Variants in AFF3 observed in about 807,000 individuals in gnomAD.
AFF3 encodes the protein ALF transcription elongation factor 3.
Under a neutral mutation model 129.7 loss-of-function variants are expected in AFF3, and 32 were observed. That is an observed-to-expected ratio of 0.25 (90% CI 0.19 to 0.33). The LOEUF (loss-of-function observed/expected upper bound fraction) is 0.33. AFF3 is among the 10% of genes least tolerant of loss of function. The probability of loss-of-function intolerance (pLI) is 1.00; values close to 1 mark genes in which losing one functional copy is unlikely to be tolerated. For missense variants in AFF3, 1,373 were observed against 1,592.0 expected (o/e 0.86, Z 2.34); for synonymous variants, 644 against 635.4 (o/e 1.01, Z -0.20).
At chr2:100,012,476 A>AC (rs1249127446) in intron 4 of AFF3, among the ~76,000 whole-genome samples, 2 of 152,106 alleles carry the variant, frequency 1.3e-5, no homozygotes, top group African/African-American at 4.8e-5. Flanking sequence ...TGGGCTTCCC[A>AC]CCCCCTGTAT....
chr2:99,760,773 T>C (rs1682508124), intron 8 of AFF3, among the ~76,000 whole-genome samples: 1 of 152,178 alleles, frequency 6.6e-6, no homozygotes, highest in African/African-American at 2.4e-5. Flanking sequence ...CTGGCGACCT[T>C]CGGATCTTAT....
intron 7 of AFF3, among the ~76,000 whole-genome samples, chr2:99,902,192 T>A (rs1694389810): frequency 6.6e-6 from 1 of 151,904 alleles, no homozygotes; most frequent in Non-Finnish European, 1.5e-5. Flanking sequence ...TAAAACAGTA[T>A]AAACTTTAAT....
Position 99,590,891 on chromosome 2 carries a change from G to C in AFF3, c.2466+2304C>G, listed in dbSNP as rs1278169973. ...GCCTGTAATCCAAGCTACTCGGGAG[G>C]CTGAGGCAGGAGAATCACTTGAACC... On this transcript the variant is annotated intron_variant, in intron 15 of 24. Coordinates refer to ENST00000672756, the MANE Select transcript of AFF3 (RefSeq NM_001386135.1). Among the ~76,000 whole-genome samples the C allele has an allele frequency of 2.0e-5, 3 of 151,858 alleles. 1 individual carries two copies. The highest frequency in any genetic ancestry group is 2.0e-4 in the Admixed American group (3 of 15,252).
At chr2:99,678,242 ATT>A (rs1455753987) in intron 11 of AFF3, among the ~76,000 whole-genome samples, 1 of 152,228 alleles carries the variant, frequency 6.6e-6, no homozygotes, top group Non-Finnish European at 1.5e-5. Flanking sequence ...AACCTTTGCA[ATT>A]TTAACATTTG....
chr2:99,802,131 A>T (rs935652972), intron 8 of AFF3, among the ~76,000 whole-genome samples: 1 of 152,244 alleles, frequency 6.6e-6, no homozygotes, highest in African/African-American at 2.4e-5. Context: ...AAACTTTCAA[A>T]GCTCACTACT....
intron 11 of AFF3, among the ~76,000 whole-genome samples, chr2:99,703,496 A>G (rs1028165321): frequency 1.3e-5 from 2 of 152,186 alleles, no homozygotes. Flanking sequence ...TTTCAACACC[A>G]TTCATTGAAA....
chr2:99,751,247 C>T (rs1242802662), intron 9 of AFF3, among the ~76,000 whole-genome samples: 1 of 152,140 alleles, frequency 6.6e-6, no homozygotes. Context: ...GCATGCACCA[C>T]CATGCCTGGC....
intron 7 of AFF3, among the ~76,000 whole-genome samples, chr2:99,978,704 C>T (rs1284560624): frequency 6.6e-6 from 1 of 152,106 alleles, no homozygotes; most frequent in Admixed American, 6.5e-5. Context: ...TGGAAGGTGA[C>T]TAGATCATAA....
At position 99,563,269 on chromosome 2, in the gene AFF3, C is replaced by T. The variant is rs185904073; in HGVS notation, c.3119+2218G>A. Among the ~76,000 whole-genome samples, 967 of 151,706 alleles carry T rather than the reference C, an allele frequency of 6.4e-3. 8 individuals carry two copies. The highest frequency in any genetic ancestry group is 8.1e-3 in the Non-Finnish European group (548 of 67,910). Reference sequence around the variant, plus strand: ...GCAGTGGCGCGATCTTGGCTCACTGCGAGCTCCGCCTTCCAGGTTCACGCC... The same window carrying T: ...GCAGTGGCGCGATCTTGGCTCACTGTGAGCTCCGCCTTCCAGGTTCACGCC... On this transcript the variant is annotated intron_variant, in intron 20 of 24. Transcript: ENST00000672756.
intron 15 of AFF3, among the ~76,000 whole-genome samples, chr2:99,592,522 G>A (rs1678787683): frequency 6.6e-6 from 1 of 152,214 alleles, no homozygotes; most frequent in Non-Finnish European, 1.5e-5. Flanking sequence ...AAGAGTGAGG[G>A]TTCTCATGTG....
At chr2:99,744,073 A>G (rs62150083) in intron 10 of AFF3, 31 bp downstream of exon 10, 44,130 of 1,494,166 alleles carry the variant, frequency 0.03, 717 homozygotes, top group Non-Finnish European at 0.034. Flanking sequence ...CCTGCTCCCC[A>G]GATGAAACTC....
rs187998609 is a variant in AFF3, at chr2:99,916,620, G to A, written c.874-79096C>T. ...AAGATCTTCCAACAGGTTCTCCAAT[G>A]GCCTGCAGTATGCAAGCACAGTACA... is the stretch of plus-strand genomic sequence containing the variant. On this transcript the variant is annotated intron_variant, in intron 7 of 24. Transcript: ENST00000672756. Among the ~76,000 whole-genome samples, 389 of 152,212 alleles carry A rather than the reference G, an allele frequency of 2.6e-3. 3 individuals are homozygous for A. Among genetic ancestry groups the A allele is most frequent in the Non-Finnish European group, 9.1e-4 (62 of 68,004 alleles).
intron 7 of AFF3, among the ~76,000 whole-genome samples, chr2:99,907,079 C>T (rs1207092482): frequency 2.6e-5 from 4 of 152,132 alleles, no homozygotes; most frequent in African/African-American, 9.7e-5. Context: ...TCTTTAAAAT[C>T]AACCTCCCTC....
At chr2:100,063,037 G>A (rs1191881228) in intron 4 of AFF3, among the ~76,000 whole-genome samples, 3 of 152,058 alleles carry the variant, frequency 2.0e-5, no homozygotes, top group Non-Finnish European at 4.4e-5. Context: ...GATCACCTGA[G>A]TCCAGGAGTT....
At position 100,125,036 on chromosome 2, in the gene AFF3, G is replaced by A. The variant is rs1244454515; in HGVS notation, c.-145+4188C>T. On this transcript the variant is annotated intron_variant, in intron 2 of 24. Transcript: ENST00000672756. ...TTGCAATTTCAACACAAAAACAAAA[G>A]GTAAACATGTATCTGGAAATGGGAC... is the stretch of plus-strand genomic sequence containing the variant. Among the ~76,000 whole-genome samples, 5 of 152,234 alleles carry A rather than the reference G, an allele frequency of 3.3e-5. No homozygotes were observed. The East Asian group carries it at 9.7e-4, about 29-fold the overall frequency.
intron 4 of AFF3, among the ~76,000 whole-genome samples, chr2:100,038,015 G>T (rs1369995585): frequency 6.6e-6 from 1 of 151,304 alleles, no homozygotes; most frequent in Non-Finnish European, 1.5e-5. Context: ...ATGGGTAAAA[G>T]AAAACTTTTC....
At chr2:99,985,313 C>T (rs548442194) in intron 7 of AFF3, among the ~76,000 whole-genome samples, 54 of 152,244 alleles carry the variant, frequency 3.5e-4, no homozygotes, top group African/African-American at 1.2e-3. Flanking sequence ...TTTACATATT[C>T]GAAATTGCAA....
chr2:99,545,734 TC>T lies in AFF3; in HGVS notation c.*5739del, dbSNP rs780619846. ...TTCAAAGTAACACACAGAGATTTAA[TC>T]CCTTGATTCCCATTACTGTGAGTAA... On this transcript the variant is annotated 3_prime_UTR_variant, in exon 25 of 25. Coordinates refer to ENST00000672756, the MANE Select transcript of AFF3 (RefSeq NM_001386135.1). 3 of 172,012 alleles carry T rather than the reference TC, an allele frequency of 1.7e-5. No homozygotes were observed. Among genetic ancestry groups the T allele is most frequent in the Non-Finnish European group, 3.8e-5 (3 of 79,388 alleles). The allele number at this position is 172,012 out of a possible 1,614,324, so 10.7% of individuals were successfully genotyped here.
intron 24 of AFF3, among the ~76,000 whole-genome samples, chr2:99,553,758 A>C (rs1003522081): frequency 2.0e-5 from 3 of 151,852 alleles, no homozygotes; most frequent in Admixed American, 6.6e-5. Context: ...CTAAAAATAC[A>C]AAAAAATTAG....
Sources: gnomAD v4.1 joint callset for allele counts (sites outside exome capture counted in the v4.1 genomes callset) on GRCh38, gnomAD v4.1.1 for gene constraint, MANE v1.5 for transcripts, NCBI Gene and HGNC (gene_info 2026-07-23, HGNC 2026-07-21) for gene names.